DGLUCY: variants seen among roughly 807,000 people sequenced by gnomAD.
DGLUCY encodes the protein D-glutamate cyclase.
Under a neutral mutation model 58.5 loss-of-function variants are expected in DGLUCY, and 58 were observed. The ratio of observed to expected loss-of-function variants is 0.99; its 90% CI spans 0.80 to 1.23. The LOEUF (loss-of-function observed/expected upper bound fraction) is 1.23, where lower values mean the gene tolerates loss of function less well. Among genes scored for constraint, DGLUCY ranks in the 50% most tolerant of loss-of-function variants. The pLI is 0.00. For missense variants in DGLUCY, 779 were observed against 784.7 expected (o/e 0.99, Z 0.09); for synonymous variants, 325 against 314.1 (o/e 1.03, Z -0.37).
upstream of DGLUCY, among the ~76,000 whole-genome samples, chr14:91,107,289 C>T (rs535679681): frequency 3.9e-5 from 6 of 152,084 alleles, no homozygotes; most frequent in South Asian, 1.0e-3. Context: ...CAAGCTGAGG[C>T]GGGTGGATCA....
At chr14:91,192,975 C>T (rs544070358) in intron 9 of DGLUCY, among the ~76,000 whole-genome samples, 2 of 152,202 alleles carry the variant, frequency 1.3e-5, no homozygotes, top group Non-Finnish European at 2.9e-5. Context: ...AGGAGAGCAG[C>T]GTGGGCAAGG....
intron 4 of DGLUCY, 162 bp downstream of exon 4, chr14:91,167,540 C>G: frequency 1.1e-6 from 1 of 922,958 alleles, no homozygotes; most frequent in Non-Finnish European, 1.7e-6. Context: ...GCTGCCCTCC[C>G]CACTGTTCTG....
At chr14:91,127,919 CTT>C (rs34102336) in intron 1 of DGLUCY, among the ~76,000 whole-genome samples, 20 of 134,106 alleles carry the variant, frequency 1.5e-4, no homozygotes, top group Non-Finnish European at 1.8e-4. Flanking sequence ...AGGCACCTGG[CTT>C]TTTTTTTTTT....
At chr14:91,064,179 A>G (rs1485954156) in intron 1 of DGLUCY, among the ~76,000 whole-genome samples, 1 of 152,176 alleles carries the variant, frequency 6.6e-6, no homozygotes, top group East Asian at 1.9e-4. Context: ...TATGAGAGAG[A>G]ACATCAAGAG....
intron 1 of DGLUCY, among the ~76,000 whole-genome samples, chr14:91,064,622 CAAAAAAAAAAA>C (rs35830145): frequency 8.7e-5 from 5 of 57,616 alleles, no homozygotes; most frequent in African/African-American, 2.5e-4. Flanking sequence ...GACTCTGTCT[CAAAAAAAAAAA>C]AAAAAAAAAA....
upstream of DGLUCY, among the ~76,000 whole-genome samples, chr14:91,111,445 G>C (rs1410240788): frequency 6.6e-6 from 1 of 151,950 alleles, no homozygotes; most frequent in African/African-American, 2.4e-5. Flanking sequence ...ACCACACCCA[G>C]CTAATTTTTG....
At chr14:91,142,362 C>G (rs1224522394) in intron 1 of DGLUCY, among the ~76,000 whole-genome samples, 1 of 152,146 alleles carries the variant, frequency 6.6e-6, no homozygotes, top group Non-Finnish European at 1.5e-5. Flanking sequence ...TTTGAGAACA[C>G]TTCCTGTCAC....
chr14:91,105,596 A>G (rs80193240), upstream of DGLUCY, among the ~76,000 whole-genome samples: 106 of 152,332 alleles, frequency 7.0e-4, no homozygotes, highest in African/African-American at 2.5e-3. Context: ...TCAGGCAGCT[A>G]TAATAGGTGC....
chr14:91,221,525 ATGGT>A (rs893780495), intron 13 of DGLUCY, among the ~76,000 whole-genome samples: 1 of 151,086 alleles, frequency 6.6e-6, no homozygotes, highest in African/African-American at 2.4e-5. Flanking sequence ...GGATGGATAG[ATGGT>A]TGGGTAGGTG....
At chr14:91,111,202 A>ATGTGTGTGTGTGTGTG (rs71120113), upstream of DGLUCY, among the ~76,000 whole-genome samples, 2 of 46,344 alleles carry the variant, frequency 4.3e-5, no homozygotes, top group African/African-American at 5.0e-5. Context: ...ATTTATATAT[A>ATGTGTGTGTGTGTGTG]TGTGTGTGTG....
At chr14:91,133,001 C>T (rs2046114126) in intron 1 of DGLUCY, among the ~76,000 whole-genome samples, 1 of 151,816 alleles carries the variant, frequency 6.6e-6, no homozygotes. Flanking sequence ...ATCAGAATTT[C>T]ATTCTTTTTT....
chr14:91,144,906 T>C (rs1476585395), intron 1 of DGLUCY, among the ~76,000 whole-genome samples: 1 of 151,460 alleles, frequency 6.6e-6, no homozygotes, highest in African/African-American at 2.4e-5. Context: ...TGGGAGGGAG[T>C]TGGGGGTGCT....
rs1221083058 is a variant in DGLUCY, at chr14:91,225,014, G to C, written c.*181G>C. The C allele has an allele frequency of 1.8e-6, 1 of 543,840 alleles. No individual in the cohort carries two copies. The highest frequency in any genetic ancestry group is 3.3e-5 in the East Asian group (1 of 30,056). The allele number at this position is 543,840 out of a possible 1,614,324, so 33.7% of individuals were successfully genotyped here. A position where few individuals can be genotyped will look rare whatever the true frequency, so the allele number is the denominator to read the frequency against. ...GGGAGGGGTTAGTGCAGGTGCTGTG[G>C]ACAAAGGACAACATTTCTCTGGGGC... On this transcript the variant is annotated 3_prime_UTR_variant, in exon 14 of 14. Transcript: ENST00000256324.
intron 13 of DGLUCY, chr14:91,215,832 C>G: frequency 9.1e-7 from 1 of 1,101,262 alleles, no homozygotes; most frequent in South Asian, 1.6e-5. Flanking sequence ...TTTTCTTCAT[C>G]TGTAAAATGG....
chr14:91,091,338 T>G (rs2044307805), intron 1 of DGLUCY, among the ~76,000 whole-genome samples: 1 of 151,872 alleles, frequency 6.6e-6, no homozygotes, highest in Non-Finnish European at 1.5e-5. Context: ...CTGGGCAACA[T>G]GGTAAAACCC....
chr14:91,073,313 C>T (rs562499667), intron 1 of DGLUCY, among the ~76,000 whole-genome samples: 10 of 152,108 alleles, frequency 6.6e-5, no homozygotes, highest in South Asian at 2.1e-4. Context: ...TGATGGCACA[C>T]GCCTGTAGTC....
At chr14:91,061,567 G>A (rs1216138623) in intron 1 of DGLUCY, among the ~76,000 whole-genome samples, 1 of 152,200 alleles carries the variant, frequency 6.6e-6, no homozygotes, top group Non-Finnish European at 1.5e-5. Flanking sequence ...ACGAGGAACT[G>A]GGGAAAGCTT....
intron 1 of DGLUCY, among the ~76,000 whole-genome samples, chr14:91,131,504 A>G (rs1295542600): frequency 6.6e-6 from 1 of 151,612 alleles, no homozygotes; most frequent in East Asian, 1.9e-4. Context: ...TGTAGGGTAC[A>G]TGTGCACAAC....
intron 10 of DGLUCY, 53 bp downstream of exon 10, chr14:91,196,527 C>G: frequency 6.9e-7 from 1 of 1,453,138 alleles, no homozygotes; most frequent in Non-Finnish European, 9.6e-7. Flanking sequence ...CGCCCATATG[C>G]TCTTCACTTA....
Sources: gnomAD v4.1 joint callset for allele counts (sites outside exome capture counted in the v4.1 genomes callset) on GRCh38, gnomAD v4.1.1 for gene constraint, MANE v1.5 for transcripts, NCBI Gene and HGNC (gene_info 2026-07-23, HGNC 2026-07-21) for gene names.